HS6ST3: variants seen among roughly 807,000 people sequenced by gnomAD.
HS6ST3 encodes heparan-sulfate 6-O-sulfotransferase 3.
In HS6ST3, 12 loss-of-function variants were observed where a neutral mutation model predicts 36.7. The observed-to-expected ratio is 0.33, with a 90% CI of 0.21 to 0.53. The LOEUF (loss-of-function observed/expected upper bound fraction) is 0.53, where lower values mean the gene tolerates loss of function less well. Among genes scored for constraint, HS6ST3 ranks in the 20% least tolerant of loss-of-function variants. The pLI is 0.95. For synonymous variants in HS6ST3, 240 were observed against 257.5 expected (o/e 0.93, Z 0.65); for missense variants, 584 against 640.9 (o/e 0.91, Z 0.96).
intron 1 of HS6ST3, among the ~76,000 whole-genome samples, chr13:96,203,903 A>G (rs540023945): frequency 6.6e-6 from 1 of 152,314 alleles, no homozygotes; most frequent in Admixed American, 6.5e-5. Context: ...CCTCACAAAG[A>G]TTACTATCTA....
At chr13:96,731,092 G>A (rs746092065) in intron 1 of HS6ST3, among the ~76,000 whole-genome samples, 74 of 152,098 alleles carry the variant, frequency 4.9e-4, no homozygotes, top group Non-Finnish European at 9.3e-4. Flanking sequence ...TTTGTGATGA[G>A]AACACTTAAC....
intron 1 of HS6ST3, among the ~76,000 whole-genome samples, chr13:96,801,888 A>C (rs1428559110): frequency 1.3e-5 from 2 of 152,118 alleles, no homozygotes; most frequent in Non-Finnish European, 2.9e-5. Flanking sequence ...ATCATCTCAC[A>C]TGAACAGAAC....
At chr13:96,813,235 T>G (rs1878355863) in intron 1 of HS6ST3, among the ~76,000 whole-genome samples, 1 of 152,306 alleles carries the variant, frequency 6.6e-6, no homozygotes, top group East Asian at 1.9e-4. Context: ...CAGAAAATGT[T>G]AAAAACACAG....
chr13:96,312,450 A>C lies in HS6ST3; in HGVS notation c.707+220881A>C, dbSNP rs142613534. Among the ~76,000 whole-genome samples, 109 of 152,106 alleles carry C rather than the reference A, an allele frequency of 7.2e-4. 2 individuals carry two copies. Among genetic ancestry groups the C allele is most frequent in the African/African-American group, 2.5e-3 (104 of 41,514 alleles). On this transcript the variant is annotated intron_variant, in intron 1 of 1. Coordinates refer to ENST00000376705, the MANE Select transcript of HS6ST3 (RefSeq NM_153456.4). ...TATTTCACCTTATAATTTTATAATA[A>C]ATTATAGTTTGTTAATTTCATTTAA...
intron 1 of HS6ST3, among the ~76,000 whole-genome samples, chr13:96,716,678 A>G (rs1327191798): frequency 1.3e-5 from 2 of 152,184 alleles, no homozygotes; most frequent in South Asian, 2.1e-4. Flanking sequence ...TCTATTATCT[A>G]TCTATCCATC....
At chr13:96,575,272 G>T (rs1208767835) in intron 1 of HS6ST3, among the ~76,000 whole-genome samples, 5 of 152,174 alleles carry the variant, frequency 3.3e-5, no homozygotes, top group African/African-American at 1.2e-4. Context: ...GATACCCATG[G>T]GAAGGTGTGA....
chr13:96,121,139 T>C (rs553477040), intron 1 of HS6ST3, among the ~76,000 whole-genome samples: 18 of 152,348 alleles, frequency 1.2e-4, no homozygotes, highest in African/African-American at 4.3e-4. Flanking sequence ...AAGTGATTTA[T>C]AAGTGTATTT....
At chr13:96,254,730 A>G (rs989821051) in intron 1 of HS6ST3, among the ~76,000 whole-genome samples, 2 of 151,946 alleles carry the variant, frequency 1.3e-5, no homozygotes, top group Non-Finnish European at 2.9e-5. Context: ...AAAGGGAAGG[A>G]CAGACTCCAG....
intron 1 of HS6ST3, among the ~76,000 whole-genome samples, chr13:96,773,408 G>C (rs1217363701): frequency 6.6e-6 from 1 of 152,136 alleles, no homozygotes; most frequent in African/African-American, 2.4e-5. Flanking sequence ...ATGGAGCCCT[G>C]CAAGCTAAAA....
chr13:96,707,839 G>A (rs993971212), intron 1 of HS6ST3, among the ~76,000 whole-genome samples: 2 of 152,156 alleles, frequency 1.3e-5, no homozygotes, highest in African/African-American at 4.8e-5. Flanking sequence ...AGAGAGCCAG[G>A]CTTAGCATGC....
At chr13:96,168,287 A>T (rs1448911833) in intron 1 of HS6ST3, among the ~76,000 whole-genome samples, 1 of 152,192 alleles carries the variant, frequency 6.6e-6, no homozygotes, top group Non-Finnish European at 1.5e-5. Context: ...TTTAAGACAC[A>T]CGAGTCCTTT....
intron 1 of HS6ST3, among the ~76,000 whole-genome samples, chr13:96,351,509 A>C (rs2055184287): frequency 6.6e-6 from 1 of 152,000 alleles, no homozygotes; most frequent in Non-Finnish European, 1.5e-5. Flanking sequence ...ACAGGGTTTC[A>C]CTGCATTGCC....
intron 1 of HS6ST3, among the ~76,000 whole-genome samples, chr13:96,212,026 G>A (rs929717297): frequency 6.6e-6 from 1 of 152,170 alleles, no homozygotes; most frequent in African/African-American, 2.4e-5. Flanking sequence ...GTCAATTTAG[G>A]TATGCCCCAC....
intron 1 of HS6ST3, among the ~76,000 whole-genome samples, chr13:96,506,226 T>TTAA (rs2056025798): frequency 6.6e-6 from 1 of 152,172 alleles, no homozygotes; most frequent in Admixed American, 6.6e-5. Context: ...CAGAGAACTT[T>TTAA]TCTTCCAAAA....
At chr13:96,443,872 G>A (rs1356105188) in intron 1 of HS6ST3, among the ~76,000 whole-genome samples, 6 of 152,132 alleles carry the variant, frequency 3.9e-5, no homozygotes, top group Non-Finnish European at 7.3e-5. Context: ...TAGTTATGGG[G>A]CAGATACTGT....
At chr13:96,348,346 G>A (rs1332763017) in intron 1 of HS6ST3, among the ~76,000 whole-genome samples, 2 of 152,206 alleles carry the variant, frequency 1.3e-5, no homozygotes, top group East Asian at 3.8e-4. Context: ...TCATCAGGAG[G>A]TGTTGGCTAT....
At chr13:96,776,651 G>A (rs191646711) in intron 1 of HS6ST3, among the ~76,000 whole-genome samples, 6 of 152,156 alleles carry the variant, frequency 3.9e-5, no homozygotes, top group African/African-American at 1.4e-4. Flanking sequence ...GGAAGAAGTC[G>A]AATCCCTGAA....
At chr13:96,515,234 T>C (rs995526754) in intron 1 of HS6ST3, among the ~76,000 whole-genome samples, 1 of 152,224 alleles carries the variant, frequency 6.6e-6, no homozygotes, top group African/African-American at 2.4e-5. Context: ...TTAAAATCTG[T>C]GGGGTTCCTT....
intron 1 of HS6ST3, among the ~76,000 whole-genome samples, chr13:96,623,457 T>C (rs537742899): frequency 2.6e-5 from 4 of 152,030 alleles, no homozygotes; most frequent in Non-Finnish European, 4.4e-5. Context: ...TGGACTTCAA[T>C]TGAAAGCTGT....
Sources: allele counts gnomAD v4.1 joint callset (sites outside exome capture counted in the v4.1 genomes callset), GRCh38; gene constraint gnomAD v4.1.1; transcripts MANE v1.5; gene names NCBI Gene and HGNC (gene_info 2026-07-23, HGNC 2026-07-21).